The following EYS variants were observed in gnomAD, a reference collection of about 807,000 sequenced individuals.
EYS encodes EGF-like photoreceptor maintenance factor.
In EYS, 250 loss-of-function variants were observed where a neutral mutation model predicts 282.1. That is an observed-to-expected ratio of 0.89 (90% confidence interval 0.80 to 0.98). EYS has a LOEUF of 0.98. EYS is among the 50% of genes least tolerant of loss of function. The probability of loss-of-function intolerance (pLI) is 0.00; values close to 1 mark genes in which losing one functional copy is unlikely to be tolerated. For missense variants in EYS, 4,016 were observed against 3,709.0 expected (o/e 1.08, Z -2.15); for synonymous variants, 1,355 against 1,282.9 (o/e 1.06, Z -1.20).
intron 22 of EYS, among the ~76,000 whole-genome samples, chr6:64,686,827 A>ATATATGTGTATATATATACGTGTG (rs1554193104): frequency 2.4e-5 from 1 of 40,862 alleles, no homozygotes; most frequent in Non-Finnish European, 5.8e-5. Context: ...ATATGTGTAT[A>ATATATGTGTATATATATACGTGTG]TATATATATA....
rs568859617 is a variant in EYS, at chr6:64,339,758, G to A, written c.6079-32676C>T. Among the ~76,000 whole-genome samples, 6 of 151,858 alleles carry A rather than the reference G, an allele frequency of 4.0e-5. No individual in the cohort carries two copies. The East Asian group carries it at 9.7e-4, about 25-fold the overall frequency. Reference sequence around the variant, plus strand: ...TGAATTATGGCATTTGCAGCGACCTGGATGAGATTGGAGACTATTATTTTA... The same window carrying A: ...TGAATTATGGCATTTGCAGCGACCTAGATGAGATTGGAGACTATTATTTTA... On this transcript the variant is annotated intron_variant, in intron 29 of 42. Coordinates refer to ENST00000503581, the MANE Select transcript of EYS (RefSeq NM_001142800.2).
intron 14 of EYS, among the ~76,000 whole-genome samples, chr6:64,964,683 C>T (rs1418145446): frequency 6.6e-6 from 1 of 152,060 alleles, no homozygotes; most frequent in Non-Finnish European, 1.5e-5. Context: ...GCCTAAAAAG[C>T]AAAAGTATGG....
chr6:65,169,634 A>G (rs1475922566), intron 12 of EYS, among the ~76,000 whole-genome samples: 1 of 151,458 alleles, frequency 6.6e-6, no homozygotes, highest in Admixed American at 6.6e-5. Context: ...AATTAAACAT[A>G]AGACTGTGTG....
intron 1 of EYS, among the ~76,000 whole-genome samples, chr6:65,655,800 G>A (rs986709471): frequency 9.2e-5 from 14 of 151,834 alleles, no homozygotes; most frequent in African/African-American, 3.4e-4. Flanking sequence ...GGTTTCTTGA[G>A]ATGTAATCTA....
chr6:63,898,057 G>T (rs114824549), intron 35 of EYS, among the ~76,000 whole-genome samples: 2,635 of 152,280 alleles, frequency 0.017, 71 homozygotes, highest in African/African-American at 0.058. Flanking sequence ...TTCTGAAGTA[G>T]ACGTAAAAAT....
intron 22 of EYS, among the ~76,000 whole-genome samples, chr6:64,685,724 A>G (rs1373325832): frequency 6.6e-6 from 1 of 152,182 alleles, no homozygotes; most frequent in East Asian, 1.9e-4. Context: ...AGTTTCAGGT[A>G]TGCCTTTATA....
At chr6:63,982,936 C>T (rs915276415) in intron 35 of EYS, among the ~76,000 whole-genome samples, 7 of 151,652 alleles carry the variant, frequency 4.6e-5, no homozygotes, top group South Asian at 4.1e-4. Flanking sequence ...GGTTTTTTCC[C>T]GTTTCTATTT....
chr6:64,494,416 G>T (rs1360172910), intron 26 of EYS, among the ~76,000 whole-genome samples: 1 of 151,566 alleles, frequency 6.6e-6, no homozygotes, highest in Non-Finnish European at 1.5e-5. Context: ...AAAATGTATT[G>T]CACCCAGGAC....
At chr6:64,840,261 ATG>A (rs1215280081) in intron 19 of EYS, among the ~76,000 whole-genome samples, 1 of 152,080 alleles carries the variant, frequency 6.6e-6, no homozygotes, top group African/African-American at 2.4e-5. Flanking sequence ...TTATCTAGGA[ATG>A]GGGTAAGTAA....
At position 64,339,958 on chromosome 6, in the gene EYS, C is replaced by G. The variant is rs78884150; in HGVS notation, c.6079-32876G>C. Among the ~76,000 whole-genome samples the G allele has an allele frequency of 2.0e-5, 3 of 151,526 alleles. No homozygotes were observed. The Admixed American group carries it at 2.0e-4, about 10-fold the overall frequency. On this transcript the variant is annotated intron_variant, in intron 29 of 42. Transcript: ENST00000503581. ...CAAGTTGGATTCAGTGAATACTTCT[C>G]GGGTTGTAGGTCCACCAAAATCTCA...
chr6:63,890,169 G>C lies in EYS; in HGVS notation c.7056-25811C>G, dbSNP rs367977021. On this transcript the variant is annotated intron_variant, in intron 35 of 42. Transcript: ENST00000503581. ...GTTTCCCACACAATAATAGCCCACTGTCAATATTAGACAGATCAATGAGAC... is the reference window on the plus strand; with the variant it reads ...GTTTCCCACACAATAATAGCCCACTCTCAATATTAGACAGATCAATGAGAC... Among the ~76,000 whole-genome samples, 10 of 151,998 alleles carry C rather than the reference G, an allele frequency of 6.6e-5. No individual in the cohort carries two copies. The East Asian group carries it at 1.2e-3, about 18-fold the overall frequency.
intron 7 of EYS, among the ~76,000 whole-genome samples, chr6:65,392,066 G>A (rs1309585923): frequency 6.6e-6 from 1 of 152,046 alleles, no homozygotes; most frequent in Non-Finnish European, 1.5e-5. Context: ...AACAAGCAAT[G>A]GGGAAAGGAT....
intron 29 of EYS, among the ~76,000 whole-genome samples, chr6:64,383,752 T>C (rs1692388162): frequency 6.6e-6 from 1 of 152,238 alleles, no homozygotes; most frequent in African/African-American, 2.4e-5. Context: ...TTAACTTTTA[T>C]CCCTGTAATT....
intron 28 of EYS, among the ~76,000 whole-genome samples, chr6:64,435,616 A>G (rs547678231): frequency 1.3e-5 from 2 of 152,042 alleles, no homozygotes; most frequent in East Asian, 3.9e-4. Context: ...AAAAAGCATT[A>G]CATCTATATT....
chr6:63,995,852 T>A (rs141836874), intron 34 of EYS, among the ~76,000 whole-genome samples: 1 of 151,844 alleles, frequency 6.6e-6, no homozygotes, highest in South Asian at 2.1e-4. Flanking sequence ...AAAGTTCCAA[T>A]CTGATAAGAG....
chr6:64,196,567 A>AAAAATGAT, intron 31 of EYS, among the ~76,000 whole-genome samples: 1 of 152,284 alleles, frequency 6.6e-6, no homozygotes, highest in Admixed American at 6.5e-5. Flanking sequence ...TGCAGCCATG[A>AAAAATGAT]AAAATGATGA....
chr6:64,740,822 T>G (rs1300179254), intron 22 of EYS, among the ~76,000 whole-genome samples: 1 of 151,452 alleles, frequency 6.6e-6, no homozygotes, highest in Non-Finnish European at 1.5e-5. Context: ...CACACCATTC[T>G]CCTGCCTCAG....
At chr6:65,114,738 A>G (rs966544637) in intron 12 of EYS, among the ~76,000 whole-genome samples, 7 of 151,930 alleles carry the variant, frequency 4.6e-5, no homozygotes, top group Non-Finnish European at 8.8e-5. Flanking sequence ...TCACTTCTTC[A>G]AGTGATTTCA....
chr6:65,054,620 G>A (rs1313499515), intron 13 of EYS, among the ~76,000 whole-genome samples: 1 of 152,098 alleles, frequency 6.6e-6, no homozygotes, highest in Non-Finnish European at 1.5e-5. Context: ...GAATTAGAAT[G>A]TATTTATGTC....
Sources: gnomAD v4.1 joint callset for allele counts (sites outside exome capture counted in the v4.1 genomes callset) on GRCh38, gnomAD v4.1.1 for gene constraint, MANE v1.5 for transcripts, NCBI Gene and HGNC (gene_info 2026-07-23, HGNC 2026-07-21) for gene names.